SLC5A12: variants seen among roughly 807,000 people sequenced by gnomAD.
SLC5A12 encodes the protein sodium-coupled monocarboxylate transporter 2.
Under a neutral mutation model 72.7 loss-of-function variants are expected in SLC5A12, and 46 were observed. The observed-to-expected ratio is 0.63, with a 90% CI of 0.50 to 0.81. The LOEUF (loss-of-function observed/expected upper bound fraction) is 0.81. Ranked by LOEUF, SLC5A12 falls within the 30% of genes least tolerant of loss-of-function variation. The pLI is 0.00. For missense variants in SLC5A12, 683 were observed against 740.7 expected (o/e 0.92, Z 0.90); for synonymous variants, 275 against 264.4 (o/e 1.04, Z -0.39).
rs1264736562 is a variant in SLC5A12 at position 26,681,138 on chromosome 11, A to T, written c.1392T>A (p.Ser464=). The change falls in exon 12 of 15, where the codon TCT becomes TCA. Residue 464 remains serine, a synonymous_variant. Coordinates refer to ENST00000396005, the MANE Select transcript of SLC5A12 (RefSeq NM_178498.4). ...TTGACAGAGGCAAAGGCCATGTCTT[A>T]GAGGCTGGTGCAGGGTAAATGAAGG... ...IGAFIYPAPA[S]KTWPLPLSTD... The T allele has an allele frequency of 1.2e-6, 2 of 1,611,926 alleles. No individual in the cohort carries two copies. The highest frequency in any genetic ancestry group is 2.7e-5 in the African/African-American group (2 of 74,954).
At chr11:26,711,184 GTAA>G in intron 3 of SLC5A12, 120 bp downstream of exon 3, 1 of 752,714 alleles carries the variant, frequency 1.3e-6, no homozygotes, top group Admixed American at 2.4e-5. Context: ...ACTTCTAATA[GTAA>G]TTCAGAATCC....
At chr11:26,684,587 G>A (rs989353617) in intron 10 of SLC5A12, among the ~76,000 whole-genome samples, 6 of 152,022 alleles carry the variant, frequency 3.9e-5, no homozygotes, top group African/African-American at 7.2e-5. Context: ...CTTAAACTGC[G>A]TGGCACACAT....
chr11:26,672,188 C>T (rs570127096), intron 14 of SLC5A12, among the ~76,000 whole-genome samples: 30 of 152,224 alleles, frequency 2.0e-4, no homozygotes, highest in African/African-American at 7.2e-4. Flanking sequence ...AAACGTGGTG[C>T]TCTTGCCTCC....
chr11:26,696,035 A>T (rs1565193694), intron 8 of SLC5A12, among the ~76,000 whole-genome samples: 1 of 152,152 alleles, frequency 6.6e-6, no homozygotes, highest in Admixed American at 6.5e-5. Context: ...ATATTCAGAA[A>T]GGAGTTCCTT....
intron 9 of SLC5A12, among the ~76,000 whole-genome samples, chr11:26,686,861 T>C (rs1854548004): frequency 6.6e-6 from 1 of 152,220 alleles, no homozygotes; most frequent in African/African-American, 2.4e-5. Flanking sequence ...AGGTCCAGAC[T>C]AATCTAGACA....
chr11:26,681,096 T>C lies in SLC5A12; in HGVS notation c.1434A>G (p.Lys478=). 1 of 1,610,212 alleles carries C rather than the reference T, an allele frequency of 6.2e-7. No individual in the cohort carries two copies. Among genetic ancestry groups the C allele is most frequent in the Non-Finnish European group, 8.5e-7 (1 of 1,178,058 alleles). ...PLPLSTDQCI[K]SNVTATGPPV... Reference sequence around the variant, plus strand: ...GAGGCCCTGTTGCTGTCACATTTGATTTGATACATTGGTCTGTTGACAGAG... The same window carrying C: ...GAGGCCCTGTTGCTGTCACATTTGACTTGATACATTGGTCTGTTGACAGAG... The change falls in exon 12 of 15, where the codon AAA becomes AAG. Residue 478 remains lysine, a synonymous_variant. Coordinates refer to ENST00000396005, the MANE Select transcript of SLC5A12 (RefSeq NM_178498.4).
chr11:26,705,931 C>G, intron 4 of SLC5A12, among the ~76,000 whole-genome samples: 1 of 15,758 alleles, frequency 6.3e-5, no homozygotes, highest in South Asian at 1.6e-3. Flanking sequence ...GTCATACACA[C>G]ACACACACAC....
chr11:26,701,439 C>A (rs1005518780), intron 6 of SLC5A12, among the ~76,000 whole-genome samples: 1 of 152,152 alleles, frequency 6.6e-6, no homozygotes, highest in African/African-American at 2.4e-5. Flanking sequence ...ACATTTCTGT[C>A]TTCATGAGTA....
At chr11:26,704,571 C>A (rs746305729) in intron 4 of SLC5A12, among the ~76,000 whole-genome samples, 3 of 152,106 alleles carry the variant, frequency 2.0e-5, no homozygotes, top group Non-Finnish European at 4.4e-5. Context: ...TGTTTCACAG[C>A]AGTTTCATTG....
intron 10 of SLC5A12, among the ~76,000 whole-genome samples, chr11:26,684,453 G>A (rs1159111353): frequency 6.6e-6 from 1 of 152,094 alleles, no homozygotes; most frequent in East Asian, 1.9e-4. Flanking sequence ...CAATAAGTTA[G>A]TAAAGGTAAT....
At chr11:26,707,077 A>G (rs896616002) in intron 4 of SLC5A12, among the ~76,000 whole-genome samples, 3 of 151,820 alleles carry the variant, frequency 2.0e-5, no homozygotes, top group African/African-American at 7.2e-5. Flanking sequence ...CTTGACATTC[A>G]ACTCCTGAAA....
chr11:26,720,711 C>A (rs1164193240), intron 1 of SLC5A12, among the ~76,000 whole-genome samples: 1 of 152,136 alleles, frequency 6.6e-6, no homozygotes, highest in South Asian at 2.1e-4. Flanking sequence ...AACATGATGT[C>A]TTCATTGAGA....
At chr11:26,691,094 A>G (rs952704041) in intron 9 of SLC5A12, among the ~76,000 whole-genome samples, 2 of 152,106 alleles carry the variant, frequency 1.3e-5, no homozygotes, top group Non-Finnish European at 2.9e-5. Context: ...GAGATTTTAC[A>G]AACAATAAAA....
At chr11:26,675,779 GC>G (rs1028147648) in intron 13 of SLC5A12, among the ~76,000 whole-genome samples, 3 of 152,072 alleles carry the variant, frequency 2.0e-5, no homozygotes, top group African/African-American at 7.2e-5. Context: ...CTGGGCACAA[GC>G]CCCAAAACTC....
chr11:26,673,564 C>A, intron 13 of SLC5A12, 35 bp from the exon 14 acceptor site: 1 of 1,551,970 alleles, frequency 6.4e-7, no homozygotes, highest in South Asian at 1.3e-5. Flanking sequence ...TAGATGGTTG[C>A]AGGCCTCCAT....
chr11:26,695,066 A>T (rs1854776982), intron 8 of SLC5A12, among the ~76,000 whole-genome samples: 1 of 152,000 alleles, frequency 6.6e-6, no homozygotes, highest in Non-Finnish European at 1.5e-5. Context: ...TTTGATTACA[A>T]TCAAACTCCA....
intron 1 of SLC5A12, among the ~76,000 whole-genome samples, chr11:26,718,217 T>C (rs1353412385): frequency 6.6e-6 from 1 of 152,206 alleles, no homozygotes; most frequent in African/African-American, 2.4e-5. Flanking sequence ...ACAATGATCA[T>C]AATAATGCAA....
At chr11:26,699,165 T>C (rs1854899375) in intron 6 of SLC5A12, among the ~76,000 whole-genome samples, 1 of 152,232 alleles carries the variant, frequency 6.6e-6, no homozygotes, top group Non-Finnish European at 1.5e-5. Flanking sequence ...ACGGTTATGT[T>C]GTATTCATTA....
At chr11:26,711,398 G>C (rs2133211621) in intron 2 of SLC5A12, 40 bp from the exon 3 acceptor site, 4 of 1,536,580 alleles carry the variant, frequency 2.6e-6, no homozygotes, top group Non-Finnish European at 3.6e-6. Flanking sequence ...GTGAGAAAGG[G>C]ACATAGAAAG....
Sources: allele counts gnomAD v4.1 joint callset (sites outside exome capture counted in the v4.1 genomes callset), GRCh38; gene constraint gnomAD v4.1.1; transcripts MANE v1.5; gene names NCBI Gene and HGNC (gene_info 2026-07-23, HGNC 2026-07-21).